KIAA1328: variants seen among roughly 807,000 people sequenced by gnomAD.
The protein encoded by KIAA1328 is KIAA1328.
A neutral mutation model predicts 68.1 loss-of-function variants in KIAA1328; 52 were observed. That is an observed-to-expected ratio of 0.76 (90% CI 0.61 to 0.96). The LOEUF is 0.96. Ranked by LOEUF, KIAA1328 falls within the 40% of genes least tolerant of loss-of-function variation. The pLI is 0.00. For missense variants in KIAA1328, 641 were observed against 677.6 expected, an observed-to-expected ratio of 0.95 and a Z score of 0.60; for synonymous variants, 232 against 239.4, an observed-to-expected ratio of 0.97 and a Z score of 0.28.
rs559144821 is a variant in KIAA1328, at chr18:37,049,331, C to T, written c.577-17559C>T. 1.5e-3 allele frequency among the ~76,000 whole-genome samples: 224 copies of T among 152,242 alleles called. 1 individual carries two copies. The highest frequency in any genetic ancestry group is 5.1e-3 in the African/African-American group (212 of 41,542). ...AAACCACAATGGAGGAAAATGATGC[C>T]AACTCAGCCTTGAATCATGAGTAGA... On this transcript the variant is annotated intron_variant, in intron 6 of 9. Coordinates refer to ENST00000280020, the MANE Select transcript of KIAA1328 (RefSeq NM_020776.3).
At chr18:36,992,996 C>G (rs2053249969) in intron 6 of KIAA1328, among the ~76,000 whole-genome samples, 1 of 151,876 alleles carries the variant, frequency 6.6e-6, no homozygotes, top group South Asian at 2.1e-4. Flanking sequence ...AGTCCCAGCT[C>G]CTGGGGAGGC....
chr18:36,948,520 A>G (rs2051002321), intron 5 of KIAA1328, among the ~76,000 whole-genome samples: 1 of 150,112 alleles, frequency 6.7e-6, no homozygotes, highest in Non-Finnish European at 1.5e-5. Context: ...TCGGCCTCCA[A>G]AAGTGCTGGG....
chr18:37,030,110 G>A (rs1005078793), intron 6 of KIAA1328, among the ~76,000 whole-genome samples: 10 of 151,406 alleles, frequency 6.6e-5, no homozygotes, highest in Admixed American at 2.6e-4. Context: ...CAATTTCATT[G>A]ATTTTTTTTA....
At chr18:36,946,356 A>T (rs1344616001) in intron 5 of KIAA1328, 1 of 152,206 alleles carries the variant, frequency 6.6e-6, no homozygotes, top group African/African-American at 2.4e-5. Context: ...AAGGAGAAGG[A>T]TGGGCCTCCT....
At chr18:37,173,113 T>C (rs1246833202) in intron 9 of KIAA1328, 32 bp downstream of exon 9, 15 of 1,507,494 alleles carry the variant, frequency 1.0e-5, no homozygotes, top group African/African-American at 1.4e-5. Flanking sequence ...GTTTTTAATA[T>C]TCTCCCTATG....
At chr18:37,213,003 G>A (rs747668190) in intron 9 of KIAA1328, among the ~76,000 whole-genome samples, 16 of 152,286 alleles carry the variant, frequency 1.1e-4, no homozygotes, top group South Asian at 2.1e-4. Context: ...ACAGGCGTGC[G>A]CCACTGCACA....
intron 6 of KIAA1328, among the ~76,000 whole-genome samples, chr18:37,043,849 G>A (rs2055358264): frequency 1.3e-5 from 2 of 152,164 alleles, no homozygotes; most frequent in Non-Finnish European, 2.9e-5. Context: ...CCCTGTTGCT[G>A]TCTCGTTCCC....
chr18:36,962,867 G>A (rs2051748721), intron 6 of KIAA1328, among the ~76,000 whole-genome samples: 1 of 152,158 alleles, frequency 6.6e-6, no homozygotes, highest in African/African-American at 2.4e-5. Flanking sequence ...GAGAAAGCAG[G>A]AAAGATCTAA....
At position 36,885,682 on chromosome 18, in the gene KIAA1328, T is replaced by C. The variant is rs1365326057; in HGVS notation, c.448+10T>C. The C allele has an allele frequency of 6.7e-7, 1 of 1,484,838 alleles. No homozygotes were observed. The highest frequency in any genetic ancestry group is 9.2e-7 in the Non-Finnish European group (1 of 1,090,332). The allele number at this position is 1,484,838 out of a possible 1,614,324, so 92.0% of individuals were successfully genotyped here. A position where few individuals can be genotyped will look rare whatever the true frequency, so the allele number is the denominator to read the frequency against. On this transcript the variant is annotated intron_variant, in intron 5 of 9. Transcript: ENST00000280020. ...ATCAAAGAAAGGGAAGATATCCTTTTGAAAGTTCTCTTTTTTAACGTTCAA... is the reference window on the plus strand; with the variant it reads ...ATCAAAGAAAGGGAAGATATCCTTTCGAAAGTTCTCTTTTTTAACGTTCAA...
At chr18:36,900,256 T>A (rs2151028495) in intron 5 of KIAA1328, among the ~76,000 whole-genome samples, 1 of 152,104 alleles carries the variant, frequency 6.6e-6, no homozygotes, top group South Asian at 2.1e-4. Context: ...CTTCTCATGA[T>A]CAAAATACCC....
chr18:36,958,518 T>C (rs1180476675), intron 5 of KIAA1328, among the ~76,000 whole-genome samples: 4 of 152,196 alleles, frequency 2.6e-5, no homozygotes, highest in African/African-American at 9.6e-5. Flanking sequence ...TGTTTGTCTT[T>C]TTGGATATGG....
chr18:36,840,848 G>A (rs1341641597), intron 3 of KIAA1328, among the ~76,000 whole-genome samples: 1 of 152,144 alleles, frequency 6.6e-6, no homozygotes, highest in Non-Finnish European at 1.5e-5. Context: ...GTCAGTTCAA[G>A]TCTTCTGGGA....
At chr18:36,829,344 GGGCTCTCCCCTTGCTT>G in intron 1 of KIAA1328, 148 bp downstream of exon 1, 1 of 1,390,524 alleles carries the variant, frequency 7.2e-7, no homozygotes, top group Non-Finnish European at 9.3e-7. Context: ...TCTAGGTGCT[GGGCTCTCCCCTTGCTT>G]GGGTGTTAGG....
chr18:37,082,464 G>A (rs934295350), intron 7 of KIAA1328, among the ~76,000 whole-genome samples: 5 of 152,074 alleles, frequency 3.3e-5, no homozygotes, highest in South Asian at 2.1e-4. Flanking sequence ...GAGCCACCCC[G>A]CCCGGCCCCA....
intron 7 of KIAA1328, among the ~76,000 whole-genome samples, chr18:37,100,555 A>C (rs998753219): frequency 6.6e-6 from 1 of 152,210 alleles, no homozygotes; most frequent in Non-Finnish European, 1.5e-5. Flanking sequence ...ACCGCAGCTC[A>C]AGAAGACCCT....
chr18:37,143,987 T>G (rs2058839544), intron 7 of KIAA1328, among the ~76,000 whole-genome samples: 2 of 152,298 alleles, frequency 1.3e-5, no homozygotes, highest in South Asian at 4.1e-4. Flanking sequence ...TGAAAGTTTA[T>G]GTAGGATTGG....
intron 8 of KIAA1328, among the ~76,000 whole-genome samples, chr18:37,161,814 G>A (rs999517182): frequency 1.4e-4 from 22 of 152,276 alleles, no homozygotes; most frequent in Admixed American, 1.3e-3. Context: ...AAAATATAGT[G>A]GAATAGCAAA....
intron 4 of KIAA1328, among the ~76,000 whole-genome samples, chr18:36,870,466 T>TA (rs1331973972): frequency 2.0e-5 from 3 of 149,054 alleles, no homozygotes. Context: ...ATTATTCCAT[T>TA]AAAAAATAAA....
At chr18:36,883,408 G>T (rs1040674693) in intron 4 of KIAA1328, among the ~76,000 whole-genome samples, 3 of 152,180 alleles carry the variant, frequency 2.0e-5, no homozygotes, top group African/African-American at 7.2e-5. Flanking sequence ...AACACCTGTA[G>T]CTGTGATAGA....
Sources: gnomAD v4.1 joint callset for allele counts (sites outside exome capture counted in the v4.1 genomes callset) on GRCh38, gnomAD v4.1.1 for gene constraint, MANE v1.5 for transcripts, NCBI Gene and HGNC (gene_info 2026-07-23, HGNC 2026-07-21) for gene names.